The following GMDS variants were observed in gnomAD, a reference collection of about 807,000 sequenced individuals.
GMDS encodes the protein GDP-mannose 4,6 dehydratase.
A neutral mutation model predicts 49.9 loss-of-function variants in GMDS; 20 were observed. The observed-to-expected ratio is 0.40, with a 90% CI of 0.28 to 0.58. The LOEUF (loss-of-function observed/expected upper bound fraction) is 0.58, where lower values mean the gene tolerates loss of function less well. Ranked by LOEUF, GMDS falls within the 20% of genes least tolerant of loss-of-function variation. GMDS has a pLI of 0.42. For synonymous variants in GMDS, 177 were observed against 178.6 expected, an observed-to-expected ratio of 0.99 and a Z score of 0.07; for missense variants, 362 against 481.4, an observed-to-expected ratio of 0.75 and a Z score of 2.32.
chr6:1,894,010 T>C (rs1314328283), intron 7 of GMDS, among the ~76,000 whole-genome samples: 1 of 152,104 alleles, frequency 6.6e-6, no homozygotes, highest in Non-Finnish European at 1.5e-5. Context: ...GAAGGCACAG[T>C]TGGGAAAGTC....
intron 7 of GMDS, among the ~76,000 whole-genome samples, chr6:1,846,775 AAAGCCTCAG>A (rs1294231528): frequency 3.3e-5 from 5 of 152,254 alleles, no homozygotes; most frequent in Non-Finnish European, 7.3e-5. Flanking sequence ...ACCGGAAAGC[AAAGCCTCAG>A]GGCAGCATTT....
intron 7 of GMDS, among the ~76,000 whole-genome samples, chr6:1,784,714 TG>T (rs1357611484): frequency 6.6e-6 from 1 of 152,228 alleles, no homozygotes; most frequent in Non-Finnish European, 1.5e-5. Flanking sequence ...CATTTTCCCA[TG>T]CTTCACAGTG....
rs1769306599 is a variant in GMDS, at chr6:2,036,369, G to A, written c.346-75403C>T. Among the ~76,000 whole-genome samples, 3 of 151,970 alleles carry A rather than the reference G, an allele frequency of 2.0e-5. No homozygotes were observed. The East Asian group carries it at 5.8e-4, about 29-fold the overall frequency. On this transcript the variant is annotated intron_variant, in intron 4 of 10. Transcript: ENST00000380815. ...TGTCTTTCATAAACGCAGATCTCGG[G>A]AATAAACTGAGTTATTGATTCATTA...
At chr6:1,657,547 A>G (rs1031430451) in intron 9 of GMDS, among the ~76,000 whole-genome samples, 14 of 152,232 alleles carry the variant, frequency 9.2e-5, no homozygotes, top group African/African-American at 3.4e-4. Flanking sequence ...GCTTTCAAGC[A>G]GGACACTGAT....
At chr6:1,942,405 T>C (rs917004225) in intron 6 of GMDS, among the ~76,000 whole-genome samples, 1 of 152,282 alleles carries the variant, frequency 6.6e-6, no homozygotes, top group Non-Finnish European at 1.5e-5. Context: ...ATGGTTCTAA[T>C]GGGAGTAGCC....
At chr6:1,913,001 G>A (rs1761148398) in intron 7 of GMDS, among the ~76,000 whole-genome samples, 1 of 152,184 alleles carries the variant, frequency 6.6e-6, no homozygotes, top group Non-Finnish European at 1.5e-5. Flanking sequence ...CTTTAGTTAT[G>A]TAATTTGCTC....
intron 9 of GMDS, among the ~76,000 whole-genome samples, chr6:1,705,256 C>T (rs1765690914): frequency 6.6e-6 from 1 of 152,176 alleles, no homozygotes; most frequent in African/African-American, 2.4e-5. Context: ...TTTCCAAAGC[C>T]TCCGGAGAGC....
chr6:2,006,335 G>A (rs1395168430), intron 4 of GMDS, among the ~76,000 whole-genome samples: 1 of 151,930 alleles, frequency 6.6e-6, no homozygotes, highest in Non-Finnish European at 1.5e-5. Flanking sequence ...GGCTGAGGTG[G>A]GAAGATCGCT....
intron 4 of GMDS, among the ~76,000 whole-genome samples, chr6:2,083,557 G>A (rs1376652637): frequency 6.6e-6 from 1 of 152,128 alleles, no homozygotes; most frequent in Non-Finnish European, 1.5e-5. Context: ...ACAGAATACA[G>A]ACACCTCTTC....
At chr6:2,042,077 T>C (rs913641262) in intron 4 of GMDS, among the ~76,000 whole-genome samples, 1 of 152,302 alleles carries the variant, frequency 6.6e-6, no homozygotes, top group Middle Eastern at 3.4e-3. Flanking sequence ...GAGATAACCC[T>C]GAGATAACTG....
chr6:1,677,006 G>C (rs1237567108), intron 9 of GMDS, among the ~76,000 whole-genome samples: 3 of 151,344 alleles, frequency 2.0e-5, no homozygotes, highest in Non-Finnish European at 4.4e-5. Context: ...CACAGAATGG[G>C]AGAAAATGTT....
chr6:1,967,723 C>A (rs146060777), intron 4 of GMDS, among the ~76,000 whole-genome samples: 12 of 152,002 alleles, frequency 7.9e-5, no homozygotes, highest in African/African-American at 2.4e-4. Context: ...GCCTCAGGGG[C>A]GAGTAGCAAA....
chr6:1,660,770 C>T (rs1764042090), intron 9 of GMDS, among the ~76,000 whole-genome samples: 1 of 144,220 alleles, frequency 6.9e-6, no homozygotes, highest in Non-Finnish European at 1.5e-5. Context: ...TTGTGAAGTA[C>T]AGGCAATACG....
intron 9 of GMDS, among the ~76,000 whole-genome samples, chr6:1,630,319 G>C (rs9391925): frequency 0.26 from 39,451 of 152,002 alleles, 5,922 homozygotes; most frequent in East Asian, 0.64. Flanking sequence ...ACCGCATGTG[G>C]CCTATGCAGT....
intron 4 of GMDS, among the ~76,000 whole-genome samples, chr6:2,045,436 T>C (rs1344524965): frequency 1.3e-5 from 2 of 152,096 alleles, no homozygotes; most frequent in African/African-American, 4.8e-5. Context: ...AATTAGCTGT[T>C]TTTTTCTTTC....
intron 4 of GMDS, among the ~76,000 whole-genome samples, chr6:2,037,696 G>A (rs1401788253): frequency 6.6e-6 from 1 of 152,120 alleles, no homozygotes; most frequent in Non-Finnish European, 1.5e-5. Flanking sequence ...TGGATGCTGT[G>A]AATAGAAAGA....
intron 7 of GMDS, among the ~76,000 whole-genome samples, chr6:1,754,640 G>C (rs1282522980): frequency 6.6e-6 from 1 of 152,134 alleles, no homozygotes; most frequent in Non-Finnish European, 1.5e-5. Flanking sequence ...TAACATCCTG[G>C]CAAACCAAAT....
At chr6:1,846,494 T>TA (rs1384359614) in intron 7 of GMDS, among the ~76,000 whole-genome samples, 1 of 152,098 alleles carries the variant, frequency 6.6e-6, no homozygotes, top group Admixed American at 6.5e-5. Flanking sequence ...CCATAGTTTA[T>TA]AAAAAACAAT....
chr6:1,654,648 G>A (rs940279695), intron 9 of GMDS, among the ~76,000 whole-genome samples: 1 of 152,226 alleles, frequency 6.6e-6, no homozygotes, highest in Admixed American at 6.5e-5. Flanking sequence ...GGAAAAAAGA[G>A]TCCTGGAGAT....
Sources: allele counts gnomAD v4.1 joint callset (sites outside exome capture counted in the v4.1 genomes callset), GRCh38; gene constraint gnomAD v4.1.1; transcripts MANE v1.5; gene names NCBI Gene and HGNC (gene_info 2026-07-23, HGNC 2026-07-21).